The following MPP7 variants were observed in gnomAD, a reference collection of about 807,000 sequenced individuals.
MPP7 encodes the protein MAGUK p55 subfamily member 7.
Under a neutral mutation model 76.5 loss-of-function variants are expected in MPP7, and 60 were observed. The ratio of observed to expected loss-of-function variants is 0.78; its 90% confidence interval spans 0.64 to 0.97. The LOEUF (loss-of-function observed/expected upper bound fraction) is 0.97. Among genes scored for constraint, MPP7 ranks in the 50% least tolerant of loss-of-function variants. The probability of loss-of-function intolerance (pLI) is 0.00; values close to 1 mark genes in which losing one functional copy is unlikely to be tolerated. For missense variants in MPP7, 641 were observed against 694.0 expected (o/e 0.92, Z 0.86); for synonymous variants, 237 against 244.5 (o/e 0.97, Z 0.29).
At chr10:28,199,360 A>G (rs1411471291) in intron 3 of MPP7, among the ~76,000 whole-genome samples, 2 of 152,076 alleles carry the variant, frequency 1.3e-5, no homozygotes, top group African/African-American at 4.8e-5. Context: ...CACCGTTTTT[A>G]TTATTCTTCG....
chr10:28,268,596 G>A (rs1189616338), intron 1 of MPP7, among the ~76,000 whole-genome samples: 1 of 152,018 alleles, frequency 6.6e-6, no homozygotes. Flanking sequence ...CCCGGGTGTG[G>A]TGGTGCACAC....
chr10:28,130,928 T>A (rs1564647855), intron 6 of MPP7, among the ~76,000 whole-genome samples: 1 of 152,214 alleles, frequency 6.6e-6, no homozygotes, highest in African/African-American at 2.4e-5. Context: ...AATGACATTT[T>A]AAATCTTAAT....
At chr10:28,262,226 CATATAT>C (rs57848111) in intron 1 of MPP7, among the ~76,000 whole-genome samples, 6 of 42,652 alleles carry the variant, frequency 1.4e-4, no homozygotes, top group Admixed American at 3.2e-4. Context: ...TATATATATA[CATATAT>C]ATATATATAT....
upstream of MPP7, chr10:28,303,507 A>G (rs1237921487): frequency 6.6e-6 from 1 of 152,226 alleles, no homozygotes; most frequent in East Asian, 1.9e-4. Flanking sequence ...GGATTCAGAC[A>G]AGTCTCCTAG....
At chr10:28,190,280 A>G (rs1837371582) in intron 3 of MPP7, among the ~76,000 whole-genome samples, 1 of 152,222 alleles carries the variant, frequency 6.6e-6, no homozygotes, top group African/African-American at 2.4e-5. Flanking sequence ...GGCAAAAAAA[A>G]AAATCTGTAA....
At chr10:28,252,468 T>A (rs979947484) in intron 1 of MPP7, among the ~76,000 whole-genome samples, 15 of 152,338 alleles carry the variant, frequency 9.8e-5, no homozygotes, top group African/African-American at 3.6e-4. Flanking sequence ...TACATAGGCA[T>A]TTATTTAGCT....
At chr10:28,118,753 G>A (rs746019724) in intron 11 of MPP7, 41 of 985,190 alleles carry the variant, frequency 4.2e-5, no homozygotes, top group African/African-American at 5.2e-5. Flanking sequence ...ATTTATACTC[G>A]ACTACAGTTT....
intron 2 of MPP7, among the ~76,000 whole-genome samples, chr10:28,321,947 ACG>A (rs1834371900): frequency 9.6e-6 from 1 of 104,384 alleles, no homozygotes; most frequent in African/African-American, 4.0e-5. Context: ...GTTTTTGTAG[ACG>A]TGTGTGTGTG....
rs527822155 is a variant in MPP7, at chr10:28,173,075, C to T, written c.157-23016G>A. Reference sequence around the variant, plus strand: ...ATCGACTTTTAAATAAAATATAAGCCGGGGGAGGAACAACAGTGGCAAAAC... The same window carrying T: ...ATCGACTTTTAAATAAAATATAAGCTGGGGGAGGAACAACAGTGGCAAAAC... On this transcript the variant is annotated intron_variant, in intron 3 of 16. Coordinates refer to ENST00000683449, the MANE Select transcript of MPP7 (RefSeq NM_001318170.2). Among the ~76,000 whole-genome samples the T allele has an allele frequency of 7.4e-4, 112 of 151,822 alleles. 4 individuals are homozygous for T. In the Middle Eastern group the frequency reaches 0.01, roughly 14 times the overall value.
intron 3 of MPP7, among the ~76,000 whole-genome samples, chr10:28,163,544 G>T (rs1836336138): frequency 6.6e-6 from 1 of 152,048 alleles, no homozygotes; most frequent in Admixed American, 6.5e-5. Context: ...GACCAGGATA[G>T]GCAAGAAACT....
At chr10:28,170,235 T>C (rs1229909211) in intron 3 of MPP7, among the ~76,000 whole-genome samples, 1 of 152,202 alleles carries the variant, frequency 6.6e-6, no homozygotes, top group Non-Finnish European at 1.5e-5. Context: ...GTTTTGGGTA[T>C]ATTGTGATTC....
chr10:28,193,376 C>G (rs973468399), intron 3 of MPP7, among the ~76,000 whole-genome samples: 9 of 152,126 alleles, frequency 5.9e-5, no homozygotes, highest in Admixed American at 5.2e-4. Flanking sequence ...CCACTGCTGG[C>G]TAATTTTTTA....
chr10:28,306,506 G>A (rs989554144), upstream of MPP7, among the ~76,000 whole-genome samples: 1 of 152,010 alleles, frequency 6.6e-6, no homozygotes, highest in African/African-American at 2.4e-5. Context: ...AAATTAGCCA[G>A]GTTTGGTGGT....
At chr10:28,120,933 C>T (rs1048985770) in intron 8 of MPP7, among the ~76,000 whole-genome samples, 3 of 152,130 alleles carry the variant, frequency 2.0e-5, no homozygotes, top group Non-Finnish European at 4.4e-5. Flanking sequence ...TAAATACATT[C>T]CCATCCAAGT....
chr10:28,310,057 A>G (rs1361242654), intron 2 of MPP7, among the ~76,000 whole-genome samples: 1 of 144,936 alleles, frequency 6.9e-6, no homozygotes, highest in Non-Finnish European at 1.5e-5. Flanking sequence ...GCTGGAGTGC[A>G]GTAGCACAAT....
chr10:28,098,594 CCAA>C (rs1162120246), intron 11 of MPP7, among the ~76,000 whole-genome samples: 1 of 151,040 alleles, frequency 6.6e-6, no homozygotes, highest in Non-Finnish European at 1.5e-5. Context: ...AATATATGAA[CCAA>C]CAACAAATGA....
At chr10:28,293,161 A>G (rs75263634) in intron 1 of MPP7, among the ~76,000 whole-genome samples, 2,291 of 152,278 alleles carry the variant, frequency 0.015, 38 homozygotes, top group East Asian at 0.071. Flanking sequence ...TTAAAATCCA[A>G]CGAGAGACTG....
chr10:28,059,521 C>A, intron 14 of MPP7, 129 bp downstream of exon 14: 1 of 585,154 alleles, frequency 1.7e-6, no homozygotes, highest in Non-Finnish European at 3.0e-6. Context: ...ATTACCTTTT[C>A]ATCTGTTTCA....
chr10:28,206,951 C>CT (rs916616713), intron 2 of MPP7, among the ~76,000 whole-genome samples: 5 of 151,910 alleles, frequency 3.3e-5, no homozygotes, highest in African/African-American at 1.2e-4. Context: ...GAATAGTGTC[C>CT]TTTTTTAAAA....
Sources: gnomAD v4.1 joint callset for allele counts (sites outside exome capture counted in the v4.1 genomes callset) on GRCh38, gnomAD v4.1.1 for gene constraint, MANE v1.5 for transcripts, NCBI Gene and HGNC (gene_info 2026-07-23, HGNC 2026-07-21) for gene names.